FSTL4: variants seen among roughly 807,000 people sequenced by gnomAD.
The protein encoded by FSTL4 is follistatin-related protein 4.
FSTL4 carries 28 observed loss-of-function variants against 78.2 expected under a neutral mutation model. The ratio of observed to expected loss-of-function variants is 0.36; its 90% CI spans 0.27 to 0.49. The LOEUF (loss-of-function observed/expected upper bound fraction) is 0.49, where lower values mean the gene tolerates loss of function less well. FSTL4 is among the 20% of genes least tolerant of loss of function. The probability of loss-of-function intolerance (pLI) is 0.98; values close to 1 mark genes in which losing one functional copy is unlikely to be tolerated. For synonymous variants in FSTL4, 422 were observed against 440.5 expected (o/e 0.96, Z 0.53); for missense variants, 922 against 1,084.9 (o/e 0.85, Z 2.11).
chr5:133,626,285 A>G, the FSTL4 span, among the ~76,000 whole-genome samples: 3 of 20,968 alleles, frequency 1.4e-4, no homozygotes, highest in Admixed American at 8.7e-4. Flanking sequence ...TATTCCATAT[A>G]TATATATTCC....
At chr5:133,678,611 T>C in the FSTL4 span, among the ~76,000 whole-genome samples, 3 of 152,080 alleles carry the variant, frequency 2.0e-5, no homozygotes, top group African/African-American at 7.2e-5. Context: ...GTTTTGGACA[T>C]GCTCATTTTG....
At chr5:133,701,509 A>ACCCCCCC in the FSTL4 span, among the ~76,000 whole-genome samples, 2 of 132,694 alleles carry the variant, frequency 1.5e-5, no homozygotes, top group Non-Finnish European at 1.6e-5. Flanking sequence ...ACACACACAC[A>ACCCCCCC]CCCCACAGGC....
chr5:133,378,091 C>A (rs1755481967), intron 4 of FSTL4, among the ~76,000 whole-genome samples: 1 of 152,038 alleles, frequency 6.6e-6, no homozygotes, highest in Non-Finnish European at 1.5e-5. Context: ...CTCAGATAAA[C>A]AAAAACAGAT....
At chr5:133,671,311 G>A in the FSTL4 span, among the ~76,000 whole-genome samples, 5 of 152,072 alleles carry the variant, frequency 3.3e-5, no homozygotes, top group South Asian at 2.1e-4. Flanking sequence ...CATTTAGGCC[G>A]CTCAAGTTTG....
chr5:133,651,158 ATAGATGATCATG>A, the FSTL4 span, among the ~76,000 whole-genome samples: 1 of 152,164 alleles, frequency 6.6e-6, no homozygotes. Flanking sequence ...GATTTTCTAC[ATAGATGATCATG>A]TCATCTGCAC....
the FSTL4 span, among the ~76,000 whole-genome samples, chr5:133,645,099 G>A: frequency 1.3e-5 from 2 of 151,758 alleles, no homozygotes; most frequent in African/African-American, 2.4e-5. Flanking sequence ...ATAGAGTATT[G>A]TAGCTCTCTT....
At chr5:133,838,385 A>G in the FSTL4 span, among the ~76,000 whole-genome samples, 2 of 152,258 alleles carry the variant, frequency 1.3e-5, no homozygotes, top group Non-Finnish European at 2.9e-5. Context: ...CAGTTACTGT[A>G]GTCAGGAATT....
chr5:133,294,008 G>A (rs1326216467), intron 6 of FSTL4, among the ~76,000 whole-genome samples: 2 of 152,036 alleles, frequency 1.3e-5, no homozygotes, highest in African/African-American at 2.4e-5. Context: ...CTGTTCTTAC[G>A]CTTAGGCTGT....
intron 11 of FSTL4, among the ~76,000 whole-genome samples, chr5:133,222,864 AT>A (rs1751188943): frequency 6.6e-6 from 1 of 152,144 alleles, no homozygotes; most frequent in Non-Finnish European, 1.5e-5. Context: ...TGGCCTCTTC[AT>A]TTTGGCTCCT....
the FSTL4 span, among the ~76,000 whole-genome samples, chr5:133,814,742 C>T: frequency 1.3e-5 from 2 of 152,122 alleles, no homozygotes; most frequent in African/African-American, 4.8e-5. Context: ...CAGAGGGTGG[C>T]CACCGTCAGT....
At chr5:133,341,645 C>G (rs1754584677) in intron 4 of FSTL4, among the ~76,000 whole-genome samples, 1 of 152,156 alleles carries the variant, frequency 6.6e-6, no homozygotes. Context: ...CCTGTCACCT[C>G]TCTGTGCCAT....
At chr5:133,315,862 C>T (rs76958806) in intron 5 of FSTL4, among the ~76,000 whole-genome samples, 1 of 152,222 alleles carries the variant, frequency 6.6e-6, no homozygotes, top group East Asian at 1.9e-4. Context: ...TTCTATGTTG[C>T]AGACACTAAC....
chr5:133,348,478 G>A (rs908830666), intron 4 of FSTL4, among the ~76,000 whole-genome samples: 2 of 152,236 alleles, frequency 1.3e-5, no homozygotes, highest in Non-Finnish European at 2.9e-5. Flanking sequence ...ATTCTCCTGG[G>A]AGGAGCAGAT....
Position 133,282,628 on chromosome 5 carries a change from C to T in FSTL4, c.727+30026G>A, listed in dbSNP as rs184394919. On this transcript the variant is annotated intron_variant, in intron 6 of 15. Transcript: ENST00000265342. The stretch of plus-strand genomic sequence containing the variant: ...CTTCCGTTCTGGGAATGACAGCCAT[C>T]CCCTCTTCGTGCCCTGGGGGCTGGG... 1.7e-4 allele frequency among the ~76,000 whole-genome samples: 26 copies of T among 152,258 alleles called. No homozygotes were observed. In the East Asian group the frequency reaches 4.6e-3, roughly 27 times the overall value.
intron 3 of FSTL4, among the ~76,000 whole-genome samples, chr5:133,516,390 C>T (rs1178184131): frequency 6.6e-6 from 1 of 151,970 alleles, no homozygotes; most frequent in African/African-American, 2.4e-5. Flanking sequence ...TACACAAAAC[C>T]AGAAAATTAT....
At chr5:133,511,552 G>T (rs967586801) in intron 3 of FSTL4, among the ~76,000 whole-genome samples, 3 of 152,178 alleles carry the variant, frequency 2.0e-5, no homozygotes, top group Non-Finnish European at 2.9e-5. Flanking sequence ...TGACCCAAAG[G>T]CTGCAACTCC....
At chr5:133,313,680 C>T (rs1188881833) in intron 5 of FSTL4, among the ~76,000 whole-genome samples, 1 of 152,090 alleles carries the variant, frequency 6.6e-6, no homozygotes, top group Non-Finnish European at 1.5e-5. Context: ...ACATTCTCAG[C>T]TTGGTCTGCT....
chr5:133,266,267 A>T (rs2126841195), intron 6 of FSTL4, among the ~76,000 whole-genome samples: 1 of 152,372 alleles, frequency 6.6e-6, no homozygotes, highest in South Asian at 2.1e-4. Context: ...ATGGCTGCTG[A>T]CTATTTTCAA....
intron 3 of FSTL4, among the ~76,000 whole-genome samples, chr5:133,437,219 G>A (rs184525735): frequency 4.3e-4 from 65 of 152,264 alleles, no homozygotes; most frequent in Admixed American, 2.5e-3. Flanking sequence ...TTTAGTTGCC[G>A]GTGAGGCACT....
Sources: allele counts gnomAD v4.1 joint callset (sites outside exome capture counted in the v4.1 genomes callset), GRCh38; gene constraint gnomAD v4.1.1; transcripts MANE v1.5; gene names NCBI Gene and HGNC (gene_info 2026-07-23, HGNC 2026-07-21).